Variants in ANKRD30A observed in about 807,000 individuals in gnomAD.
The protein encoded by ANKRD30A is ankyrin repeat domain-containing protein 30A.
A neutral mutation model predicts 166.3 loss-of-function variants in ANKRD30A; 170 were observed. The observed-to-expected ratio is 1.02, with a 90% confidence interval of 0.90 to 1.16. ANKRD30A has a LOEUF of 1.16. Among genes scored for constraint, ANKRD30A ranks in the 50% most tolerant of loss-of-function variants. ANKRD30A has a pLI of 0.00. For synonymous variants in ANKRD30A, 564 were observed against 508.9 expected (o/e 1.11, Z -1.46); for missense variants, 1,630 against 1,518.0 (o/e 1.07, Z -1.23).
chr10:37,191,920 G>A (rs973916932), intron 25 of ANKRD30A, among the ~76,000 whole-genome samples: 8 of 152,134 alleles, frequency 5.3e-5, no homozygotes, highest in South Asian at 4.2e-4. Flanking sequence ...GCGTGAACCC[G>A]CGAGGCGGAG....
intron 25 of ANKRD30A, among the ~76,000 whole-genome samples, 181 bp from the exon 26 acceptor site, chr10:37,192,883 G>A (rs1344227179): frequency 2.0e-5 from 3 of 151,888 alleles, no homozygotes; most frequent in African/African-American, 7.3e-5. Context: ...AATTGTCTTA[G>A]GTATATTTCT....
At chr10:37,144,690 A>G (rs1037469718) in intron 7 of ANKRD30A, among the ~76,000 whole-genome samples, 7 of 152,200 alleles carry the variant, frequency 4.6e-5, no homozygotes, top group Non-Finnish European at 7.3e-5. Flanking sequence ...TGAACAGCAA[A>G]TATCTGACAT....
chr10:37,224,058 G>GT (rs926381412), intron 34 of ANKRD30A, among the ~76,000 whole-genome samples: 3 of 151,160 alleles, frequency 2.0e-5, no homozygotes, highest in African/African-American at 4.8e-5. Context: ...CTATTTTAAT[G>GT]TTTTTTCAGA....
At chr10:37,140,800 A>C (rs1245930931) in intron 6 of ANKRD30A, among the ~76,000 whole-genome samples, 1 of 152,208 alleles carries the variant, frequency 6.6e-6, no homozygotes, top group African/African-American at 2.4e-5. Flanking sequence ...TACAATATGA[A>C]TTATATGGGC....
chr10:37,264,223 A>C, the ANKRD30A span, among the ~76,000 whole-genome samples: 2 of 152,186 alleles, frequency 1.3e-5, no homozygotes, highest in Non-Finnish European at 2.9e-5. Flanking sequence ...GGTTGGAGCA[A>C]ACCCTTGCCA....
At chr10:37,248,545 C>T in the ANKRD30A span, among the ~76,000 whole-genome samples, 17 of 152,250 alleles carry the variant, frequency 1.1e-4, no homozygotes, top group East Asian at 1.2e-3. Context: ...GTTCAAGATC[C>T]GCTGTGGAAG....
At chr10:37,243,017 G>A in the ANKRD30A span, among the ~76,000 whole-genome samples, 1 of 151,548 alleles carries the variant, frequency 6.6e-6, no homozygotes, top group Non-Finnish European at 1.5e-5. Context: ...AATTGATTTT[G>A]TATATTTCAT....
chr10:37,226,055 G>C (rs998950539), intron 34 of ANKRD30A, among the ~76,000 whole-genome samples: 1 of 151,168 alleles, frequency 6.6e-6, no homozygotes, highest in Non-Finnish European at 1.5e-5. Flanking sequence ...ACAGTACATG[G>C]CCTTTTGTGA....
In ANKRD30A at chr10:37,196,004, C is replaced by G. The variant is rs190178187; in HGVS notation, c.2615-1277C>G. ...ATAGATTTAAGATACTATCACTAAA[C>G]AAAGAGAAAGGAAGTGTTGAACAAA... On this transcript the variant is annotated intron_variant, in intron 27 of 35. Coordinates refer to ENST00000361713, the MANE Select transcript of ANKRD30A (RefSeq NM_052997.3). Among the ~76,000 whole-genome samples the G allele has an allele frequency of 3.1e-4, 46 of 149,862 alleles. No individual in the cohort carries two copies. The East Asian group carries it at 8.6e-3, about 28-fold the overall frequency.
chr10:37,265,389 G>A, the ANKRD30A span, among the ~76,000 whole-genome samples: 1 of 152,274 alleles, frequency 6.6e-6, no homozygotes, highest in East Asian at 1.9e-4. Flanking sequence ...CAGCATTCCT[G>A]TCCTTAGACC....
chr10:37,171,144 A>G (rs546624340), intron 21 of ANKRD30A, among the ~76,000 whole-genome samples: 3 of 92,516 alleles, frequency 3.2e-5, no homozygotes, highest in Admixed American at 2.0e-4. Context: ...CGCTGTACAT[A>G]TTGTCCTGGA....
the ANKRD30A span, among the ~76,000 whole-genome samples, chr10:37,253,511 G>A: frequency 6.6e-6 from 1 of 152,076 alleles, no homozygotes; most frequent in Non-Finnish European, 1.5e-5. Flanking sequence ...CCCCCAGGCA[G>A]CGCTAGTCCT....
In ANKRD30A at chr10:37,125,943, G is replaced by A; in HGVS notation, c.156G>A (p.Arg52=). 3 of 1,611,778 alleles carry A rather than the reference G, an allele frequency of 1.9e-6. No homozygotes were observed. The highest frequency in any genetic ancestry group is 2.5e-6 in the Non-Finnish European group (3 of 1,179,730). ...IHKAASRGQV[R]KLEKMTKRKK... is the part of the protein sequence containing the mutation. ...AAGCTGCCTCCCGGGGACAAGTCCG[G>A]AAGCTGGAGAAGATGACAAAGAGGA... The change falls in exon 1 of 36, where the codon CGG becomes CGA. Residue 52 remains arginine (R), a synonymous_variant. Coordinates refer to ENST00000361713, the MANE Select transcript of ANKRD30A (RefSeq NM_052997.3).
chr10:37,132,374 A>T, intron 4 of ANKRD30A, 28 bp downstream of exon 4: 1 of 1,363,704 alleles, frequency 7.3e-7, no homozygotes, highest in Non-Finnish European at 1.0e-6. Context: ...TTATTAAAAA[A>T]CACTTGAGTA....
At chr10:37,235,722 GTTGGGC>G (rs569544372), downstream of ANKRD30A, among the ~76,000 whole-genome samples, 42 of 140,982 alleles carry the variant, frequency 3.0e-4, no homozygotes, top group Middle Eastern at 3.7e-3. Context: ...TATTGTATTT[GTTGGGC>G]TTTACTATTG....
chr10:37,195,344 T>A (rs1235753376), intron 27 of ANKRD30A, among the ~76,000 whole-genome samples: 1 of 152,162 alleles, frequency 6.6e-6, no homozygotes, highest in East Asian at 1.9e-4. Context: ...CTCATGGCGC[T>A]GTGCTCTCTT....
the ANKRD30A span, among the ~76,000 whole-genome samples, chr10:37,261,427 A>G: frequency 6.6e-6 from 1 of 152,196 alleles, no homozygotes; most frequent in Admixed American, 6.5e-5. Flanking sequence ...AATTGATTTT[A>G]TATTCATATA....
At position 37,219,545 on chromosome 10, in the gene ANKRD30A, C is replaced by A; in HGVS notation, c.3833C>A (p.Thr1278Lys). 1 of 1,610,246 alleles carries A rather than the reference C, an allele frequency of 6.2e-7. No homozygotes were observed. Among genetic ancestry groups the A allele is most frequent in the Non-Finnish European group, 8.5e-7 (1 of 1,177,670 alleles). The change falls in exon 34 of 36, where the codon ACA (threonine) becomes AAA (lysine). Residue 1278 changes from threonine (T) to lysine (K), a missense_variant. Thr to Lys is a moderately conservative substitution (Grantham distance 78). This residue lies in a region of ANKRD30A where 712 missense variants were observed against 629.3 expected (regional missense o/e 1.13). Transcript: ENST00000361713. ...NYAGDALRENTLVSEHAQRDQ... is the reference protein window; with the variant it reads ...NYAGDALRENKLVSEHAQRDQ... Reference sequence around the variant, plus strand: ...GCAGGAGATGCTCTAAGAGAAAATACATTGGTTTCAGAACATGCACAAAGA... The same window carrying A: ...GCAGGAGATGCTCTAAGAGAAAATAAATTGGTTTCAGAACATGCACAAAGA...
At chr10:37,265,223 A>G in the ANKRD30A span, among the ~76,000 whole-genome samples, 3 of 152,152 alleles carry the variant, frequency 2.0e-5, no homozygotes, top group African/African-American at 7.2e-5. Context: ...TTCAGCCATC[A>G]ACCGTGATGA....
Sources: allele counts gnomAD v4.1 joint callset (sites outside exome capture counted in the v4.1 genomes callset), GRCh38; gene constraint gnomAD v4.1.1; regional missense constraint gnomAD v4.1.1; transcripts MANE v1.5; gene names NCBI Gene and HGNC (gene_info 2026-07-23, HGNC 2026-07-21).